TMEM176B: variants seen among roughly 807,000 people sequenced by gnomAD.
The protein encoded by TMEM176B is LR8-like protein.
Under a neutral mutation model 30.3 loss-of-function variants are expected in TMEM176B, and 28 were observed. The observed-to-expected ratio is 0.92, with a 90% CI of 0.68 to 1.27. The LOEUF is 1.27. TMEM176B is among the 50% of genes most tolerant of loss of function. The probability of loss-of-function intolerance (pLI) is 0.00; values close to 1 mark genes in which losing one functional copy is unlikely to be tolerated. For missense variants in TMEM176B, 349 were observed against 327.4 expected, an observed-to-expected ratio of 1.07 and a Z score of -0.51; for synonymous variants, 123 against 130.3, an observed-to-expected ratio of 0.94 and a Z score of 0.38.
At chr7:150,791,956 C>T (rs1195572938) in intron 6 of TMEM176B, 100 bp downstream of exon 6, 1 of 1,542,404 alleles carries the variant, frequency 6.5e-7, no homozygotes, top group Non-Finnish European at 8.8e-7. Flanking sequence ...GCACCAGGCC[C>T]AGCCTCAGGT....
At chr7:150,796,702 T>A in intron 1 of TMEM176B, 128 bp from the exon 2 acceptor site, 1 of 914,698 alleles carries the variant, frequency 1.1e-6, no homozygotes, top group Non-Finnish European at 1.7e-6. Context: ...CTCACGCCTG[T>A]AATCCCAGTG....
At position 150,796,366 on chromosome 7, in the gene TMEM176B, C is replaced by A; in HGVS notation, c.204G>T (p.Gly68=). 6.2e-7 allele frequency: 1 copy of A among 1,614,158 alleles called. No individual in the cohort carries two copies. The highest frequency in any genetic ancestry group is 8.5e-7 in the Non-Finnish European group (1 of 1,180,024). ...CAACCCCGCACCACCCCAGTCTTAC[C>A]CCTAGAGCCAGCTGCTCATAACCAA... is the stretch of plus-strand genomic sequence containing the variant. ...ARIGYEQLAL[G]VTQILLGVVS... is the part of the protein sequence containing the mutation. Residue 68 remains glycine, a splice_region_variant and synonymous_variant, in exon 2 of 7, where the codon GGG becomes GGT. Coordinates refer to ENST00000326442, the MANE Select transcript of TMEM176B (RefSeq NM_001101312.2).
chr7:150,795,631 TC>T (rs1412929656), intron 2 of TMEM176B, among the ~76,000 whole-genome samples: 1 of 152,186 alleles, frequency 6.6e-6, no homozygotes, highest in East Asian at 1.9e-4. Flanking sequence ...AGGCTTTCAG[TC>T]CATGTGGGGT....
In TMEM176B at chr7:150,794,017, A is replaced by G; in HGVS notation, c.259T>C (p.Leu87=). 6.2e-7 allele frequency: 1 copy of G among 1,614,016 alleles called. No individual in the cohort carries two copies. Among genetic ancestry groups the G allele is most frequent in the Non-Finnish European group, 8.5e-7 (1 of 1,179,936 alleles). Residue 87 remains leucine (L), a synonymous_variant, in exon 3 of 7, where the codon TTG becomes CTG. Transcript: ENST00000326442. ...VSCVLGVCLS[L]GPWTVLSASG... ...GCACTCAGCACAGTCCAGGGCCCCA[A>G]GCTGAGACACACTCCAAGAACACAA...
chr7:150,792,490 G>C (rs1798353518), intron 5 of TMEM176B, among the ~76,000 whole-genome samples: 2 of 152,174 alleles, frequency 1.3e-5, no homozygotes, highest in Non-Finnish European at 1.5e-5. Flanking sequence ...TCTACTTTCT[G>C]TCTCCTGAAA....
At chr7:150,796,763 A>T in intron 1 of TMEM176B, 189 bp from the exon 2 acceptor site, 1 of 593,720 alleles carries the variant, frequency 1.7e-6, no homozygotes, top group Non-Finnish European at 2.9e-6. Context: ...GTTCAAGACC[A>T]GCCTGGCCAA....
chr7:150,799,762 A>G (rs1410196782), intron 1 of TMEM176B, among the ~76,000 whole-genome samples: 4 of 151,236 alleles, frequency 2.6e-5, no homozygotes, highest in African/African-American at 9.7e-5. Context: ...GGTTCCAGCT[A>G]CCTCCGGGCC....
At chr7:150,794,130 C>A (rs1798429819) in intron 2 of TMEM176B, 59 bp from the exon 3 acceptor site, 1 of 1,370,154 alleles carries the variant, frequency 7.3e-7, no homozygotes, top group East Asian at 2.3e-5. Context: ...CCCGGCTGCC[C>A]TGGGACCAGC....
chr7:150,793,572 A>C lies in TMEM176B; in HGVS notation c.344T>G (p.Val115Gly). ...VVIAAGAGAI[V>G]HEKHPGKLAG... ...AAGTTTGCCCGGGTGCTTCTCATGG[A>C]CAATGGCCCCAGCTCCTGCTGCGAT... The change falls in exon 4 of 7, where the codon GTC (valine) becomes GGC (glycine). Residue 115 changes from valine (V) to glycine (G), a missense_variant. By Grantham distance (109) the Val-to-Gly change is moderately radical. Coordinates refer to ENST00000326442, the MANE Select transcript of TMEM176B (RefSeq NM_001101312.2). 1.9e-6 allele frequency: 3 copies of C among 1,613,646 alleles called. No individual in the cohort carries two copies. The highest frequency in any genetic ancestry group is 2.5e-6 in the Non-Finnish European group (3 of 1,179,826).
chr7:150,800,059 A>G (rs11769511), intron 1 of TMEM176B: 121,161 of 152,356 alleles, frequency 0.8, 48,442 homozygotes, highest in East Asian at 0.93. Context: ...TGCAGGCGGC[A>G]GAAGGTGGAC....
At position 150,793,529 on chromosome 7, in the gene TMEM176B, G is replaced by T. The variant is rs372466146; in HGVS notation, c.372+15C>A. On this transcript the variant is annotated intron_variant, in intron 4 of 6. Transcript: ENST00000326442. ...GGTCAGTGAACAAGGTGGAGAGAGG[G>T]TGTCCAAGACTCACAGCAAGTTTGC... The T allele has an allele frequency of 1.2e-6, 2 of 1,612,510 alleles. No homozygotes were observed. The highest frequency in any genetic ancestry group is 1.3e-5 in the African/African-American group (1 of 74,890).
intron 1 of TMEM176B, among the ~76,000 whole-genome samples, chr7:150,799,120 C>A (rs1056658254): frequency 6.6e-6 from 1 of 152,204 alleles, no homozygotes; most frequent in South Asian, 2.1e-4. Flanking sequence ...GGTGACCAAC[C>A]TTCGCCGTTG....
intron 5 of TMEM176B, among the ~76,000 whole-genome samples, chr7:150,792,564 G>A (rs1465769377): frequency 1.3e-5 from 2 of 152,194 alleles, no homozygotes; most frequent in African/African-American, 2.4e-5. Context: ...CCCAAGCCAA[G>A]TGGAGAAGCC....
chr7:150,794,261 C>A (rs1196158172), intron 2 of TMEM176B, among the ~76,000 whole-genome samples, 190 bp from the exon 3 acceptor site: 1 of 151,864 alleles, frequency 6.6e-6, no homozygotes, highest in African/African-American at 2.4e-5. Context: ...CCTGGGTCTC[C>A]CCTCACCCTT....
chr7:150,800,463 G>A (rs926042706), upstream of TMEM176B: 1 of 152,212 alleles, frequency 6.6e-6, no homozygotes, highest in African/African-American at 2.4e-5. Context: ...CCGGCAAAGG[G>A]GGTTCCGCCC....
chr7:150,796,005 A>G (rs1006736868), intron 2 of TMEM176B, among the ~76,000 whole-genome samples: 1 of 152,176 alleles, frequency 6.6e-6, no homozygotes, highest in Non-Finnish European at 1.5e-5. Flanking sequence ...TTCTCTACAA[A>G]TCAGGCTGCT....
Position 150,793,228 on chromosome 7 carries a change from T to C in TMEM176B, c.460A>G (p.Thr154Ala), listed in dbSNP as rs776533039. ...VLCVNSFIWQ[T>A]EPFLYIDTVC... The stretch of plus-strand genomic sequence containing the variant: ...GTGTCGATGTATAAAAAGGGTTCAG[T>C]TTGCCAGATGAAGCTATTCACGCAG... The change falls in exon 5 of 7, where the codon ACT becomes GCT. Residue 154 changes from threonine (T) to alanine (A), a missense_variant. By Grantham distance (58) the Thr-to-Ala change is moderately conservative. Coordinates refer to ENST00000326442, the MANE Select transcript of TMEM176B (RefSeq NM_001101312.2). 6.2e-7 allele frequency: 1 copy of C among 1,614,178 alleles called. No homozygotes were observed. Among genetic ancestry groups the C allele is most frequent in the East Asian group, 2.2e-5 (1 of 44,888 alleles).
At chr7:150,797,700 A>C (rs1798581969) in intron 1 of TMEM176B, among the ~76,000 whole-genome samples, 1 of 151,556 alleles carries the variant, frequency 6.6e-6, no homozygotes, top group Admixed American at 6.6e-5. Flanking sequence ...TGGGCCTTCC[A>C]TTTTCAGATT....
chr7:150,794,949 C>T (rs768081970), intron 2 of TMEM176B, among the ~76,000 whole-genome samples: 1 of 127,214 alleles, frequency 7.9e-6, no homozygotes, highest in Admixed American at 8.1e-5. Flanking sequence ...ACACACACAC[C>T]TCTCGAATGG....
Sources: allele counts gnomAD v4.1 joint callset (sites outside exome capture counted in the v4.1 genomes callset), GRCh38; gene constraint gnomAD v4.1.1; transcripts MANE v1.5; gene names NCBI Gene and HGNC (gene_info 2026-07-23, HGNC 2026-07-21).